Variants in CHST9 observed in about 807,000 individuals in gnomAD.
CHST9 encodes GalNAc-4-sulfotransferase 2.
Under a neutral mutation model 44.4 loss-of-function variants are expected in CHST9, and 41 were observed. The observed-to-expected ratio is 0.92, with a 90% CI of 0.72 to 1.20. The LOEUF (loss-of-function observed/expected upper bound fraction) is 1.20. Ranked by LOEUF, CHST9 falls within the 50% of genes most tolerant of loss-of-function variation. The pLI is 0.00. For synonymous variants in CHST9, 171 were observed against 178.4 expected, an observed-to-expected ratio of 0.96 and a Z score of 0.33; for missense variants, 504 against 516.5, an observed-to-expected ratio of 0.98 and a Z score of 0.23.
intron 5 of CHST9, among the ~76,000 whole-genome samples, chr18:26,943,364 A>G (rs2056113056): frequency 6.6e-6 from 1 of 152,218 alleles, no homozygotes; most frequent in Non-Finnish European, 1.5e-5. Flanking sequence ...CAGATTGGGT[A>G]AAACTAGAAC....
chr18:26,941,133 C>T (rs565495727), intron 5 of CHST9, among the ~76,000 whole-genome samples: 9 of 152,234 alleles, frequency 5.9e-5, no homozygotes, highest in African/African-American at 1.9e-4. Context: ...TTTGGCAGCC[C>T]TAGGGACCGA....
chr18:26,930,280 G>A (rs1003241941), intron 5 of CHST9, among the ~76,000 whole-genome samples: 1 of 152,210 alleles, frequency 6.6e-6, no homozygotes, highest in African/African-American at 2.4e-5. Flanking sequence ...AGTCCATGCT[G>A]AGTGGGGTTT....
intron 5 of CHST9, among the ~76,000 whole-genome samples, chr18:26,941,957 G>A (rs163051): frequency 0.35 from 52,956 of 151,948 alleles, 9,898 homozygotes; most frequent in East Asian, 0.49. Flanking sequence ...CCTGCCTGAT[G>A]TGGGGGGGAG....
chr18:27,024,524 T>G (rs1472000612), intron 3 of CHST9, among the ~76,000 whole-genome samples: 1 of 152,182 alleles, frequency 6.6e-6, no homozygotes, highest in Non-Finnish European at 1.5e-5. Flanking sequence ...CCATAACAGA[T>G]CAATGTGCTA....
intron 5 of CHST9, among the ~76,000 whole-genome samples, chr18:26,930,447 A>G (rs2055856752): frequency 6.6e-6 from 1 of 152,206 alleles, no homozygotes. Context: ...GCGAGCATCA[A>G]ATGGATATTT....
intron 1 of CHST9, among the ~76,000 whole-genome samples, chr18:27,176,207 T>C (rs1598781243): frequency 6.6e-6 from 1 of 152,028 alleles, no homozygotes; most frequent in South Asian, 2.1e-4. Flanking sequence ...GGTCTTTATC[T>C]TAAGCAAAGC....
At chr18:26,918,694 G>A (rs1263503151) in intron 5 of CHST9, among the ~76,000 whole-genome samples, 1 of 152,070 alleles carries the variant, frequency 6.6e-6, no homozygotes, top group Non-Finnish European at 1.5e-5. Flanking sequence ...AGCAAATTAA[G>A]CAATAGAACA....
At chr18:26,933,926 A>G (rs917034216) in intron 5 of CHST9, among the ~76,000 whole-genome samples, 2 of 151,268 alleles carry the variant, frequency 1.3e-5, no homozygotes, top group South Asian at 2.1e-4. Flanking sequence ...CTCTCTGAGG[A>G]GAAGCTACTA....
intron 2 of CHST9, among the ~76,000 whole-genome samples, chr18:27,074,145 G>A (rs1410876347): frequency 6.6e-6 from 1 of 152,192 alleles, no homozygotes; most frequent in Middle Eastern, 3.2e-3. Flanking sequence ...CACTTCAAAT[G>A]TGTGAAACTT....
chr18:26,968,356 T>C (rs1447915392), intron 4 of CHST9, among the ~76,000 whole-genome samples: 1 of 152,228 alleles, frequency 6.6e-6, no homozygotes, highest in African/African-American at 2.4e-5. Flanking sequence ...TTTAGCATTG[T>C]CAGACTTTGA....
chr18:26,977,411 C>G (rs1369595348), intron 4 of CHST9, among the ~76,000 whole-genome samples: 1 of 139,606 alleles, frequency 7.2e-6, no homozygotes, highest in Non-Finnish European at 1.5e-5. Flanking sequence ...GAAATCATTT[C>G]CAAAGGTCAC....
At chr18:27,152,822 G>A (rs1397694029) in intron 1 of CHST9, among the ~76,000 whole-genome samples, 1 of 152,062 alleles carries the variant, frequency 6.6e-6, no homozygotes, top group African/African-American at 2.4e-5. Flanking sequence ...ATGGTAATTT[G>A]GGTGGTCATA....
chr18:27,145,804 C>A (rs991819940), intron 1 of CHST9, among the ~76,000 whole-genome samples: 1 of 152,114 alleles, frequency 6.6e-6, no homozygotes, highest in Non-Finnish European at 1.5e-5. Flanking sequence ...GAACAGTTCC[C>A]GAGGGAGACT....
chr18:27,113,050 G>A (rs1039724823), intron 2 of CHST9, among the ~76,000 whole-genome samples: 5 of 152,040 alleles, frequency 3.3e-5, no homozygotes, highest in South Asian at 2.1e-4. Flanking sequence ...TTAGCCGGGC[G>A]TGGTGGTGGG....
chr18:27,180,779 C>T (rs575335244), intron 1 of CHST9, among the ~76,000 whole-genome samples: 53 of 152,198 alleles, frequency 3.5e-4, no homozygotes, highest in African/African-American at 1.2e-3. Context: ...TTCTTTCCAG[C>T]TCTATTAAAA....
chr18:26,916,816 C>T lies in CHST9; in HGVS notation c.775G>A (p.Asp259Asn). ...TATATCCCTTTTAGGTCAAAGCTAT[C>T]TAGCTTCTTCAAATGCTTCCCGTAG... is the stretch of plus-strand genomic sequence containing the variant. ...VHYGKHLKKL[D>N]SFDLKGIYTR... is the part of the protein sequence containing the mutation. Residue 259 changes from aspartate (D) to asparagine (N), a missense_variant, in exon 6 of 6, where the codon GAT becomes AAT. Asp to Asn is a conservative substitution (Grantham distance 23). Transcript: ENST00000618847. 1.2e-6 allele frequency: 2 copies of T among 1,613,882 alleles called. No homozygotes were observed. The highest frequency in any genetic ancestry group is 1.7e-6 in the Non-Finnish European group (2 of 1,179,856).
intron 4 of CHST9, among the ~76,000 whole-genome samples, chr18:26,987,157 TG>T (rs1264108462): frequency 6.6e-6 from 1 of 152,210 alleles, no homozygotes; most frequent in Non-Finnish European, 1.5e-5. Flanking sequence ...GCTATTCTCA[TG>T]ACAATAAGTC....
intron 3 of CHST9, 93 bp from the exon 4 acceptor site, chr18:27,024,250 T>C (rs1310544168): frequency 2.1e-6 from 2 of 968,934 alleles, no homozygotes; most frequent in Non-Finnish European, 3.1e-6. Flanking sequence ...AAGCCTCTCA[T>C]ATTTTATTTG....
Position 27,142,779 on chromosome 18 carries a change from T to A in CHST9, c.31A>T (p.Lys11Ter). The A allele has an allele frequency of 6.2e-7, 1 of 1,611,818 alleles. No individual in the cohort carries two copies. Among genetic ancestry groups the A allele is most frequent in the Non-Finnish European group, 8.5e-7 (1 of 1,178,938 alleles). The change falls in exon 2 of 6, where the codon AAA (lysine) becomes TAA (stop). Residue 11 changes from lysine (K) to a stop codon, truncating the protein, a stop_gained. Coordinates refer to ENST00000618847, the MANE Select transcript of CHST9 (RefSeq NM_031422.6). LOFTEE classifies it high-confidence loss of function. MQPSEMVMNPKQVFLSVLIFG... is the reference protein window; with the variant it reads MQPSEMVMNP ...ATCAGCACAGAGAGGAAGACTTGTT[T>A]GGGGTTCATGACCATTTCAGATGGC...
Sources: allele counts gnomAD v4.1 joint callset (sites outside exome capture counted in the v4.1 genomes callset), GRCh38; gene constraint gnomAD v4.1.1; transcripts MANE v1.5; gene names NCBI Gene and HGNC (gene_info 2026-07-23, HGNC 2026-07-21).